RBFOX1: variants seen among roughly 807,000 people sequenced by gnomAD.
RBFOX1 encodes RNA binding fox-1 homolog 1, also known as RNA binding protein fox-1 homolog 1.
RBFOX1 carries 8 observed loss-of-function variants against 57.7 expected under a neutral mutation model. The ratio of observed to expected loss-of-function variants is 0.14; its 90% CI spans 0.08 to 0.25. RBFOX1 has a LOEUF of 0.25. Among genes scored for constraint, RBFOX1 ranks in the 10% least tolerant of loss-of-function variants. The pLI, the probability that RBFOX1 is intolerant of heterozygous loss-of-function variation, is 1.00. For missense variants in RBFOX1, 611 were observed against 548.5 expected (o/e 1.11, Z -1.14); for synonymous variants, 326 against 222.4 (o/e 1.47, Z -4.15).
chr16:7,043,259 C>A (rs2046787137), intron 3 of RBFOX1, among the ~76,000 whole-genome samples: 1 of 152,140 alleles, frequency 6.6e-6, no homozygotes, highest in African/African-American at 2.4e-5. Context: ...ACCCCTGGAA[C>A]CCTGTTTTTT....
intron 2 of RBFOX1, among the ~76,000 whole-genome samples, chr16:5,502,042 A>ATTG (rs2043215538): frequency 6.6e-6 from 1 of 151,586 alleles, no homozygotes; most frequent in Non-Finnish European, 1.5e-5. Flanking sequence ...TATTATTATT[A>ATTG]TTATTATTAA....
intron 4 of RBFOX1, among the ~76,000 whole-genome samples, chr16:7,190,845 C>G (rs572149129): frequency 1.3e-5 from 2 of 152,284 alleles, no homozygotes; most frequent in Non-Finnish European, 2.9e-5. Flanking sequence ...CATAGACGCA[C>G]ATGATGAACA....
chr16:7,686,405 T>C (rs1364781093), intron 14 of RBFOX1, among the ~76,000 whole-genome samples: 2 of 152,040 alleles, frequency 1.3e-5, no homozygotes, highest in Non-Finnish European at 2.9e-5. Context: ...TGCTCATGGA[T>C]CAGCTTAGGC....
At chr16:6,664,186 A>C (rs995446889) in intron 3 of RBFOX1, among the ~76,000 whole-genome samples, 5 of 152,022 alleles carry the variant, frequency 3.3e-5, no homozygotes, top group Non-Finnish European at 2.9e-5. Flanking sequence ...AATGGGACAA[A>C]GAGATCTAAC....
intron 1 of RBFOX1, among the ~76,000 whole-genome samples, chr16:5,448,179 A>G (rs558929828): frequency 6.6e-6 from 1 of 152,290 alleles, no homozygotes; most frequent in East Asian, 1.9e-4. Flanking sequence ...TCTGAGAGCT[A>G]AGCCTCCGCA....
intron 12 of RBFOX1, among the ~76,000 whole-genome samples, chr16:7,656,912 T>G (rs1386832534): frequency 1.3e-5 from 2 of 152,138 alleles, no homozygotes; most frequent in Admixed American, 1.3e-4. Context: ...AGTCCAAACA[T>G]TTCCTAAATT....
intron 4 of RBFOX1, among the ~76,000 whole-genome samples, chr16:7,301,242 G>A (rs918187525): frequency 1.3e-5 from 2 of 152,198 alleles, no homozygotes; most frequent in Admixed American, 6.5e-5. Context: ...ATGGAAAAGT[G>A]TTCCTCTGGG....
chr16:6,793,574 C>T (rs924789213), intron 3 of RBFOX1, among the ~76,000 whole-genome samples: 8 of 152,106 alleles, frequency 5.3e-5, no homozygotes, highest in Non-Finnish European at 7.3e-5. Flanking sequence ...TGGCCCTTCC[C>T]TCTGTTTTGA....
Position 5,736,769 on chromosome 16 carries a change from C to G in RBFOX1, c.319-130534C>G, listed in dbSNP as rs535723319. 9.2e-5 allele frequency among the ~76,000 whole-genome samples: 14 copies of G among 151,934 alleles called. No homozygotes were observed. In the South Asian group the frequency reaches 2.9e-3, roughly 32 times the overall value. On this transcript the variant is annotated intron_variant, in intron 3 of 19. Coordinates refer to the RBFOX1 transcript ENST00000641259. ...GTGTCTGTCTCTTTGCTCTGCCTTT[C>G]TCTCCATCTGTTTATGTGTCTGTGA...
chr16:7,431,619 A>C (rs1200956281), intron 4 of RBFOX1, among the ~76,000 whole-genome samples: 1 of 152,224 alleles, frequency 6.6e-6, no homozygotes, highest in Non-Finnish European at 1.5e-5. Flanking sequence ...GGTGATATTT[A>C]ATGCAACCGC....
At chr16:5,898,746 C>G (rs894086352) in intron 4 of RBFOX1, among the ~76,000 whole-genome samples, 1 of 151,852 alleles carries the variant, frequency 6.6e-6, no homozygotes, top group South Asian at 2.1e-4. Flanking sequence ...TGTAGCTTCC[C>G]TCTCATTAAT....
At chr16:7,617,555 C>T (rs1015364846) in intron 10 of RBFOX1, among the ~76,000 whole-genome samples, 1 of 152,122 alleles carries the variant, frequency 6.6e-6, no homozygotes, top group Non-Finnish European at 1.5e-5. Flanking sequence ...TTATATACTA[C>T]ATGAACCCAT....
intron 4 of RBFOX1, among the ~76,000 whole-genome samples, chr16:5,953,941 G>A (rs893549887): frequency 1.3e-5 from 2 of 152,128 alleles, no homozygotes; most frequent in African/African-American, 2.4e-5. Flanking sequence ...CTGTGTTTCT[G>A]TTGCCAACCG....
intron 3 of RBFOX1, among the ~76,000 whole-genome samples, chr16:7,048,243 G>T (rs929666206): frequency 8.6e-5 from 13 of 150,416 alleles, no homozygotes; most frequent in African/African-American, 3.2e-4. Flanking sequence ...ATTTCCTTTT[G>T]ATTTTTTTGT....
intron 3 of RBFOX1, among the ~76,000 whole-genome samples, chr16:5,813,800 C>T (rs1335963016): frequency 6.6e-6 from 1 of 152,196 alleles, no homozygotes; most frequent in African/African-American, 2.4e-5. Context: ...TGGATCCAGT[C>T]TCACTGGGAA....
chr16:6,661,585 C>G (rs569756578), intron 3 of RBFOX1, among the ~76,000 whole-genome samples: 2 of 152,232 alleles, frequency 1.3e-5, no homozygotes, highest in South Asian at 4.1e-4. Context: ...TATGAAGAAC[C>G]CAGCCAAAGT....
In RBFOX1 at chr16:6,542,100, T is replaced by C. The variant is rs1599331436; in HGVS notation, c.-63-112503T>C. On this transcript the variant is annotated intron_variant, in intron 2 of 15. Transcript: ENST00000550418. ...TGCACCATCACACAGAGATAACTTT[T>C]TTTTCTTTAGAGACAGGCTATTGCT... Among the ~76,000 whole-genome samples the C allele has an allele frequency of 1.3e-5, 2 of 152,146 alleles. 1 individual carries two copies. Among genetic ancestry groups the C allele is most frequent in the Middle Eastern group, 6.8e-3 (2 of 294 alleles).
rs78767693 is a variant in RBFOX1, at chr16:6,581,720, A to C, written c.-63-72883A>C. 6.3e-3 allele frequency among the ~76,000 whole-genome samples: 967 copies of C among 152,302 alleles called. 6 individuals carry two copies. Among genetic ancestry groups the C allele is most frequent in the Non-Finnish European group, 0.01 (704 of 68,024 alleles). ...TGCTTAGCTCCTTAATGAGGGACTC[A>C]CAGCTGTGTTTATGGAGGTCACCTG... On this transcript the variant is annotated intron_variant, in intron 2 of 15. Coordinates refer to ENST00000550418, the MANE Select transcript of RBFOX1 (RefSeq NM_018723.4).
intron 3 of RBFOX1, among the ~76,000 whole-genome samples, chr16:5,752,485 C>T (rs72766925): frequency 0.013 from 2,046 of 152,262 alleles, 24 homozygotes; most frequent in Middle Eastern, 0.02. Context: ...TAAAAGGGCT[C>T]CCCCTTGTTT....
Sources: gnomAD v4.1 joint callset for allele counts (sites outside exome capture counted in the v4.1 genomes callset) on GRCh38, gnomAD v4.1.1 for gene constraint, MANE v1.5 for transcripts, NCBI Gene and HGNC (gene_info 2026-07-23, HGNC 2026-07-21) for gene names.